The following BCKDHB variants were observed in gnomAD, a reference collection of about 807,000 sequenced individuals.
BCKDHB encodes the protein 2-oxoisovalerate dehydrogenase subunit beta, mitochondrial.
In BCKDHB, 41 loss-of-function variants were observed where a neutral mutation model predicts 48.5. The ratio of observed to expected loss-of-function variants is 0.85; its 90% CI spans 0.66 to 1.10. The LOEUF is 1.10. Ranked by LOEUF, BCKDHB falls within the 50% of genes least tolerant of loss-of-function variation. BCKDHB has a pLI of 0.00. For missense variants in BCKDHB, 496 were observed against 494.2 expected (o/e 1.00, Z -0.03); for synonymous variants, 201 against 174.8 (o/e 1.15, Z -1.18).
intron 8 of BCKDHB, among the ~76,000 whole-genome samples, chr6:80,264,951 C>T (rs765615275): frequency 6.6e-6 from 1 of 152,030 alleles, no homozygotes; most frequent in Admixed American, 6.6e-5. Flanking sequence ...CATTAAGCAC[C>T]TGGAAATTGC....
chr6:80,167,544 ACT>A, intron 3 of BCKDHB, 132 bp from the exon 4 acceptor site: 1 of 978,594 alleles, frequency 1.0e-6, no homozygotes, highest in Non-Finnish European at 1.5e-6. Flanking sequence ...GGCTAGCCAT[ACT>A]CTTTATTTTC....
intron 8 of BCKDHB, among the ~76,000 whole-genome samples, chr6:80,249,798 G>T (rs1237268354): frequency 6.6e-6 from 1 of 152,074 alleles, no homozygotes; most frequent in African/African-American, 2.4e-5. Flanking sequence ...GAATATAAAA[G>T]TAACTTAATT....
intron 9 of BCKDHB, among the ~76,000 whole-genome samples, chr6:80,305,403 G>GT (rs10717914): frequency 1.2e-4 from 18 of 150,598 alleles, no homozygotes; most frequent in South Asian, 2.1e-4. Context: ...AACCAAGTGG[G>GT]TTTTTTTTTG....
the BCKDHB span, among the ~76,000 whole-genome samples, chr6:80,414,282 C>A: frequency 6.6e-6 from 1 of 152,074 alleles, no homozygotes; most frequent in African/African-American, 2.4e-5. Flanking sequence ...CTTTGCTGTG[C>A]AGAAGCTCTT....
the BCKDHB span, among the ~76,000 whole-genome samples, chr6:80,372,738 T>A: frequency 6.6e-6 from 1 of 152,202 alleles, no homozygotes; most frequent in Non-Finnish European, 1.5e-5. Context: ...TCTGTTTATG[T>A]GGTGTATCAC....
At chr6:80,359,326 C>T in the BCKDHB span, among the ~76,000 whole-genome samples, 3,220 of 152,212 alleles carry the variant, frequency 0.021, 48 homozygotes, top group East Asian at 0.053. Context: ...CTGTGTGCCA[C>T]GCCAAAAACC....
the BCKDHB span, among the ~76,000 whole-genome samples, chr6:80,351,882 C>T: frequency 6.7e-6 from 1 of 149,302 alleles, no homozygotes; most frequent in Non-Finnish European, 1.5e-5. Flanking sequence ...AGTGCAATGG[C>T]GCGATCTCAG....
chr6:80,350,632 T>C (rs545954923), downstream of BCKDHB, among the ~76,000 whole-genome samples: 1 of 152,162 alleles, frequency 6.6e-6, no homozygotes, highest in South Asian at 2.1e-4. Context: ...TTATATAAAA[T>C]AATTATCAGG....
intron 8 of BCKDHB, among the ~76,000 whole-genome samples, chr6:80,267,103 A>G (rs944828746): frequency 7.2e-5 from 11 of 152,190 alleles, no homozygotes; most frequent in African/African-American, 2.4e-4. Context: ...GCTCAATGTA[A>G]TATCTATTTG....
At chr6:80,112,501 A>G (rs2127708120) in intron 1 of BCKDHB, among the ~76,000 whole-genome samples, 1 of 152,306 alleles carries the variant, frequency 6.6e-6, no homozygotes, top group South Asian at 2.1e-4. Context: ...CAGAATTCCA[A>G]GCAATACTGG....
chr6:80,243,532 C>A (rs1427198717), intron 8 of BCKDHB, among the ~76,000 whole-genome samples: 4 of 152,226 alleles, frequency 2.6e-5, no homozygotes, highest in Admixed American at 1.3e-4. Context: ...CCTTAAATAT[C>A]TCTCTCTCTA....
At chr6:80,248,186 C>G (rs960816070) in intron 8 of BCKDHB, among the ~76,000 whole-genome samples, 6 of 152,132 alleles carry the variant, frequency 3.9e-5, no homozygotes, top group African/African-American at 1.4e-4. Flanking sequence ...TTAATTGAAG[C>G]AAATTTTTCT....
intron 3 of BCKDHB, 74 bp downstream of exon 3, chr6:80,129,303 T>C (rs896976474): frequency 7.5e-7 from 1 of 1,326,298 alleles, no homozygotes; most frequent in African/African-American, 1.5e-5. Flanking sequence ...AAAATATGCC[T>C]ACTAAATTTT....
intron 1 of BCKDHB, among the ~76,000 whole-genome samples, chr6:80,111,520 G>A (rs541146221): frequency 6.6e-6 from 1 of 152,280 alleles, no homozygotes; most frequent in East Asian, 1.9e-4. Flanking sequence ...TGCATTTGAA[G>A]CAAGAGTCTT....
rs202000105 is a variant in BCKDHB, at chr6:80,115,076, T to C, written c.196+8187T>C. ...TGCCAATACCATTTACTTCCTTTCT[T>C]ATCATGGATATGTGATACACACTGG... On this transcript the variant is annotated intron_variant, in intron 1 of 9. Coordinates refer to ENST00000320393, the MANE Select transcript of BCKDHB (RefSeq NM_183050.4). Among the ~76,000 whole-genome samples, 9 of 152,374 alleles carry C rather than the reference T, an allele frequency of 5.9e-5. No individual in the cohort carries two copies. In the East Asian group the frequency reaches 1.7e-3, roughly 29 times the overall value.
At chr6:80,201,234 G>A (rs1774381556) in intron 7 of BCKDHB, among the ~76,000 whole-genome samples, 1 of 152,132 alleles carries the variant, frequency 6.6e-6, no homozygotes, top group South Asian at 2.1e-4. Flanking sequence ...AGGTATATAT[G>A]TGATGATTTG....
At chr6:80,279,320 A>AT (rs1446045808) in intron 9 of BCKDHB, among the ~76,000 whole-genome samples, 2 of 151,554 alleles carry the variant, frequency 1.3e-5, no homozygotes, top group African/African-American at 2.4e-5. Flanking sequence ...CGCCCATCTA[A>AT]TTTTTTGTAT....
At chr6:80,386,140 C>G in the BCKDHB span, among the ~76,000 whole-genome samples, 574 of 152,240 alleles carry the variant, frequency 3.8e-3, 7 homozygotes, top group African/African-American at 0.013. Context: ...GGACCAATGC[C>G]TTGTGCAATA....
At chr6:80,196,382 A>G (rs542336528) in intron 6 of BCKDHB, among the ~76,000 whole-genome samples, 6 of 152,192 alleles carry the variant, frequency 3.9e-5, no homozygotes, top group Admixed American at 3.3e-4. Context: ...CAGCAGTTGT[A>G]TCCTCCGTGA....
Sources: allele counts gnomAD v4.1 joint callset (sites outside exome capture counted in the v4.1 genomes callset), GRCh38; gene constraint gnomAD v4.1.1; transcripts MANE v1.5; gene names NCBI Gene and HGNC (gene_info 2026-07-23, HGNC 2026-07-21).